The following GNG7 variants were observed in gnomAD, a reference collection of about 807,000 sequenced individuals.
GNG7 encodes guanine nucleotide-binding protein G(I)/G(S)/G(O) subunit gamma-7.
GNG7 carries 1 observed loss-of-function variant against 4.0 expected under a neutral mutation model. The observed-to-expected ratio is 0.25, with a 90% CI of 0.09 to 1.18. GNG7 has a LOEUF of 1.18. GNG7 is among the 50% of genes most tolerant of loss of function. The pLI is 0.50. For synonymous variants in GNG7, 34 were observed against 36.9 expected (o/e 0.92, Z 0.29); for missense variants, 86 against 91.9 (o/e 0.94, Z 0.26).
chr19:2,524,639 T>C (rs1326935265), intron 3 of GNG7, among the ~76,000 whole-genome samples: 1 of 152,256 alleles, frequency 6.6e-6, no homozygotes, highest in African/African-American at 2.4e-5. Context: ...TATGAGTGCA[T>C]GTACACATCT....
intron 2 of GNG7, among the ~76,000 whole-genome samples, chr19:2,604,660 T>G (rs1289996673): frequency 1.8e-3 from 73 of 40,490 alleles, no homozygotes; most frequent in East Asian, 2.7e-3. Flanking sequence ...AAAAAAAGAA[T>G]GAATGGAAGG....
chr19:2,698,802 A>C (rs1014548302), intron 1 of GNG7, among the ~76,000 whole-genome samples: 2 of 152,192 alleles, frequency 1.3e-5, no homozygotes, highest in Non-Finnish European at 2.9e-5. Flanking sequence ...AAATGCCTCC[A>C]TTCAGTAAAC....
rs147223484 is a variant in GNG7, at chr19:2,665,063, G to C, written c.-134-18783C>G. The stretch of plus-strand genomic sequence containing the variant: ...ACATTGAAATCCACACCTTTAGTTG[G>C]GGGGAGGGAGAGAGGAGGTGAATCC... On this transcript the variant is annotated intron_variant, in intron 1 of 4. Transcript: ENST00000382159. Among the ~76,000 whole-genome samples the C allele has an allele frequency of 7.9e-4, 120 of 151,856 alleles. 1 individual carries two copies. The highest frequency in any genetic ancestry group is 1.3e-3 in the Non-Finnish European group (91 of 67,876).
At chr19:2,669,896 G>C (rs1983407061) in intron 1 of GNG7, among the ~76,000 whole-genome samples, 1 of 151,786 alleles carries the variant, frequency 6.6e-6, no homozygotes, top group Admixed American at 6.6e-5. Context: ...TATAATCCCA[G>C]CTACTCGGGA....
At position 2,607,480 on chromosome 19, in the gene GNG7, G is replaced by A. The variant is rs576411418; in HGVS notation, c.-78+38744C>T. Among the ~76,000 whole-genome samples, 293 of 142,892 alleles carry A rather than the reference G, an allele frequency of 2.1e-3. 2 individuals carry two copies. Among genetic ancestry groups the A allele is most frequent in the African/African-American group, 7.4e-3 (283 of 38,002 alleles). 93.7% of individuals were successfully genotyped at this position (142,892 alleles called of 152,430 possible). A position where few individuals can be genotyped will look rare whatever the true frequency, so the allele number is the denominator to read the frequency against. On this transcript the variant is annotated intron_variant, in intron 2 of 4. Transcript: ENST00000382159. The stretch of plus-strand genomic sequence containing the variant: ...GGAGGCAGAGGTTGCAGTGAGCCGA[G>A]ATCGCACCATTGCACTCCAGCCTGG...
intron 2 of GNG7, among the ~76,000 whole-genome samples, chr19:2,581,279 C>A (rs1309442899): frequency 5.3e-5 from 6 of 113,140 alleles, no homozygotes; most frequent in Non-Finnish European, 5.2e-5. Context: ...GCCCAGAGGC[C>A]TGGGTGACAG....
intron 1 of GNG7, among the ~76,000 whole-genome samples, chr19:2,661,273 A>AAAGGAAGGAAGGAAGGAAG (rs1568277681): frequency 4.2e-5 from 2 of 48,046 alleles, no homozygotes; most frequent in Non-Finnish European, 7.8e-5. Context: ...AAGAAAGAAA[A>AAAGGAAGGAAGGAAGGAAG]GAAAGAAAGA....
intron 4 of GNG7, among the ~76,000 whole-genome samples, chr19:2,520,025 C>T (rs911003769): frequency 6.6e-6 from 1 of 152,098 alleles, no homozygotes; most frequent in Admixed American, 6.5e-5. Context: ...ACTAAAAATA[C>T]AAAAAATTAG....
chr19:2,553,445 TTA>T (rs1273284820), intron 3 of GNG7, among the ~76,000 whole-genome samples: 1 of 147,930 alleles, frequency 6.8e-6, no homozygotes, highest in Non-Finnish European at 1.5e-5. Flanking sequence ...ATGTTATATA[TTA>T]TATGCAATAT....
intron 1 of GNG7, among the ~76,000 whole-genome samples, chr19:2,672,312 C>T (rs946218806): frequency 4.6e-5 from 7 of 152,058 alleles, no homozygotes; most frequent in African/African-American, 1.4e-4. Flanking sequence ...TGAGCCACTG[C>T]ACCTGGCCTA....
At chr19:2,613,528 C>A (rs965976652) in intron 2 of GNG7, among the ~76,000 whole-genome samples, 2 of 152,216 alleles carry the variant, frequency 1.3e-5, no homozygotes, top group Admixed American at 6.5e-5. Context: ...TCTCCCTCCC[C>A]ACTCAGGGTG....
At chr19:2,685,912 C>A (rs978025744) in intron 1 of GNG7, among the ~76,000 whole-genome samples, 11 of 152,168 alleles carry the variant, frequency 7.2e-5, no homozygotes, top group African/African-American at 2.4e-4. Flanking sequence ...ACTGTCCCCG[C>A]GAGAGGAGGC....
At chr19:2,559,600 C>A (rs879377846) in intron 2 of GNG7, among the ~76,000 whole-genome samples, 1 of 151,850 alleles carries the variant, frequency 6.6e-6, no homozygotes, top group Non-Finnish European at 1.5e-5. Flanking sequence ...CTGCAACCTC[C>A]GCCTCCTGGG....
At chr19:2,629,595 G>A (rs1276117411) in intron 2 of GNG7, among the ~76,000 whole-genome samples, 1 of 152,212 alleles carries the variant, frequency 6.6e-6, no homozygotes, top group African/African-American at 2.4e-5. Context: ...AGAGGTAGTG[G>A]ACAAGACCTC....
chr19:2,678,649 T>G (rs556597039), intron 1 of GNG7, among the ~76,000 whole-genome samples: 2 of 151,982 alleles, frequency 1.3e-5, no homozygotes, highest in African/African-American at 4.8e-5. Flanking sequence ...AGATAAGGTG[T>G]CCAGTCTCGG....
chr19:2,518,253 G>C (rs1353191010), intron 4 of GNG7, among the ~76,000 whole-genome samples: 3 of 152,060 alleles, frequency 2.0e-5, no homozygotes, highest in Non-Finnish European at 4.4e-5. Context: ...TCCCCCCGAG[G>C]CCCGACATTC....
intron 2 of GNG7, among the ~76,000 whole-genome samples, chr19:2,556,380 G>T (rs1979544707): frequency 1.3e-5 from 2 of 152,198 alleles, no homozygotes; most frequent in African/African-American, 4.8e-5. Flanking sequence ...CTCGAGGCCG[G>T]GCTGGGCCGG....
intron 2 of GNG7, among the ~76,000 whole-genome samples, chr19:2,600,552 A>G (rs1599414838): frequency 6.7e-6 from 1 of 149,518 alleles, no homozygotes; most frequent in African/African-American, 2.5e-5. Flanking sequence ...GCTCACTTCA[A>G]CCTCCGCCTC....
intron 1 of GNG7, among the ~76,000 whole-genome samples, chr19:2,700,510 G>C (rs1355920251): frequency 6.6e-6 from 1 of 152,058 alleles, no homozygotes; most frequent in Non-Finnish European, 1.5e-5. Context: ...CAGGACTAGA[G>C]TCAAGTTCCA....
Sources: gnomAD v4.1 joint callset for allele counts (sites outside exome capture counted in the v4.1 genomes callset) on GRCh38, gnomAD v4.1.1 for gene constraint, MANE v1.5 for transcripts, NCBI Gene and HGNC (gene_info 2026-07-23, HGNC 2026-07-21) for gene names.